The following ANK3 variants were observed in gnomAD, a reference collection of about 807,000 sequenced individuals.
ANK3 encodes the protein ankyrin 3.
Under a neutral mutation model 370.9 loss-of-function variants are expected in ANK3, and 57 were observed. That is an observed-to-expected ratio of 0.15 (90% CI 0.12 to 0.19). The LOEUF (loss-of-function observed/expected upper bound fraction) is 0.19. Among genes scored for constraint, ANK3 ranks in the 10% least tolerant of loss-of-function variants. ANK3 has a pLI of 1.00. For synonymous variants in ANK3, 1,929 were observed against 1,946.3 expected (o/e 0.99, Z 0.23); for missense variants, 4,439 against 5,302.1 (o/e 0.84, Z 5.06).
At chr10:60,575,836 A>G (rs1241028428) in intron 2 of ANK3, among the ~76,000 whole-genome samples, 1 of 152,202 alleles carries the variant, frequency 6.6e-6, no homozygotes, top group Non-Finnish European at 1.5e-5. Flanking sequence ...TAGAAAAGGT[A>G]TTAGTTATTA....
chr10:60,398,540 T>C (rs1048012851), intron 2 of ANK3, among the ~76,000 whole-genome samples: 1 of 152,118 alleles, frequency 6.6e-6, no homozygotes, highest in African/African-American at 2.4e-5. Context: ...CCCATGAAAA[T>C]TTGTCCTCTG....
At chr10:60,229,648 T>A (rs1025548926) in intron 8 of ANK3, among the ~76,000 whole-genome samples, 14 of 152,226 alleles carry the variant, frequency 9.2e-5, no homozygotes, top group African/African-American at 3.4e-4. Flanking sequence ...TACCTGAGCA[T>A]AAATACTTCT....
chr10:60,311,239 T>A (rs964599971), intron 1 of ANK3, among the ~76,000 whole-genome samples: 5 of 152,104 alleles, frequency 3.3e-5, no homozygotes. Flanking sequence ...CACAGATGAA[T>A]GAAGAAGCAA....
rs1352851026 is a variant in ANK3 at position 60,109,060 on chromosome 10, G to A, written c.2949-6C>T. 1 of 1,610,872 alleles carries A rather than the reference G, an allele frequency of 6.2e-7. No homozygotes were observed. ...CCATAAAGCTAACCAGAAACCTGAG[G>A]GGAGAAGATCAGAGGCCAATTCAAG... On this transcript the variant is annotated splice_polypyrimidine_tract_variant and splice_region_variant and intron_variant, in intron 26 of 43. Coordinates refer to ENST00000280772, the MANE Select transcript of ANK3 (RefSeq NM_020987.5).
At position 60,683,984 on chromosome 10, in the gene ANK3, T is replaced by G. The variant is rs576657106; in HGVS notation, c.57+49279A>C. Among the ~76,000 whole-genome samples the G allele has an allele frequency of 2.0e-5, 3 of 152,334 alleles. No homozygotes were observed. In the East Asian group the frequency reaches 5.8e-4, roughly 29 times the overall value. ...TTAAAACTCATGGAAATACCGTCAT[T>G]CTCTAAGAATACTTTTAAGCTATGT... On this transcript the variant is annotated intron_variant, in intron 1 of 43. Coordinates refer to the ANK3 transcript ENST00000373827.
intron 8 of ANK3, among the ~76,000 whole-genome samples, chr10:60,226,490 C>CATATACTATAGTATATATACTATAGTAT (rs1565819646): frequency 1.4e-4 from 9 of 63,412 alleles, no homozygotes; most frequent in African/African-American, 1.2e-3. Context: ...TATATATATA[C>CATATACTATAGTATATATACTATAGTAT]ATATACTATA....
intron 2 of ANK3, among the ~76,000 whole-genome samples, chr10:60,401,116 A>G (rs1161045637): frequency 6.6e-6 from 1 of 152,208 alleles, no homozygotes; most frequent in African/African-American, 2.4e-5. Flanking sequence ...GCTAAGTGAA[A>G]TAAGTCAGTC....
intron 2 of ANK3, among the ~76,000 whole-genome samples, chr10:60,477,510 C>CAT (rs879428652): frequency 0.087 from 11,342 of 130,852 alleles, 484 homozygotes; most frequent in Middle Eastern, 0.11. Context: ...GACAGACAGA[C>CAT]AGACATACAC....
In ANK3 at chr10:60,249,165, T is replaced by C. The variant is rs189406804; in HGVS notation, c.798+12694A>G. ...AAAGATCTATGAGTAGAGAGATATA[T>C]ATAGCAGTTGAATGGAAAGGGGCAT... On this transcript the variant is annotated intron_variant, in intron 7 of 43. Transcript: ENST00000280772. 3.3e-3 allele frequency among the ~76,000 whole-genome samples: 497 copies of C among 152,310 alleles called. 5 individuals carry two copies. Among genetic ancestry groups the C allele is most frequent in the Middle Eastern group, 0.017 (5 of 294 alleles).
chr10:60,285,891 T>C (rs773216280), intron 1 of ANK3, among the ~76,000 whole-genome samples: 1 of 152,222 alleles, frequency 6.6e-6, no homozygotes, highest in Non-Finnish European at 1.5e-5. Flanking sequence ...CACCCAGGCA[T>C]GCAATCTTGG....
intron 2 of ANK3, among the ~76,000 whole-genome samples, chr10:60,521,801 A>C (rs908706363): frequency 6.6e-6 from 1 of 152,170 alleles, no homozygotes. Flanking sequence ...ATCCTACCCC[A>C]AAAAAGCAAT....
intron 1 of ANK3, among the ~76,000 whole-genome samples, chr10:60,389,162 G>A (rs756293361): frequency 6.6e-6 from 1 of 151,990 alleles, no homozygotes; most frequent in Non-Finnish European, 1.5e-5. Flanking sequence ...CCATGTCATG[G>A]AAACATGCCC....
intron 2 of ANK3, among the ~76,000 whole-genome samples, chr10:60,612,125 C>T (rs1567179092): frequency 2.0e-5 from 3 of 151,992 alleles, no homozygotes; most frequent in East Asian, 1.9e-4. Flanking sequence ...CTGCATTTTC[C>T]GCAGAGGCCC....
rs1416910140 is a variant in ANK3 at position 60,069,110 on chromosome 10, A to G, written c.11771T>C (p.Ile3924Thr). Residue 3924 changes from isoleucine (I) to threonine (T), a missense_variant, in exon 37 of 44, where the codon ATT becomes ACT. By Grantham distance (89) the Ile-to-Thr change is moderately conservative. Coordinates refer to ENST00000280772, the MANE Select transcript of ANK3 (RefSeq NM_020987.5). ...PVKNTHRDNI[I>T]AVRKACATQK... ...TGTGGCACATGCTTTTCTAACTGCA[A>G]TTATGTTATCCCTGTGTGTGTTTTT... The G allele has an allele frequency of 3.7e-6, 6 of 1,614,082 alleles. No individual in the cohort carries two copies. Among genetic ancestry groups the G allele is most frequent in the Non-Finnish European group, 5.1e-6 (6 of 1,180,002 alleles).
At chr10:60,589,846 C>T (rs889582783) in intron 2 of ANK3, among the ~76,000 whole-genome samples, 2 of 152,164 alleles carry the variant, frequency 1.3e-5, no homozygotes, top group African/African-American at 4.8e-5. Flanking sequence ...TTCAGTATTG[C>T]TAAATTGCGA....
chr10:60,626,740 G>T (rs1395164105), intron 1 of ANK3, among the ~76,000 whole-genome samples: 1 of 152,176 alleles, frequency 6.6e-6, no homozygotes, highest in African/African-American at 2.4e-5. Flanking sequence ...GGAGACACCT[G>T]CTTTAAAAGA....
rs1007974603 is a variant in ANK3 at position 60,293,001 on chromosome 10, G to C, written c.115-13362C>G. 3.9e-5 allele frequency among the ~76,000 whole-genome samples: 6 copies of C among 152,278 alleles called. No individual in the cohort carries two copies. In the Middle Eastern group the frequency reaches 0.01, roughly 259 times the overall value. On this transcript the variant is annotated intron_variant, in intron 1 of 43. Transcript: ENST00000280772. ...TGGGATTACAGGCATGAGCCACCAAGCCCCGCCCAGGGTCCTAAACTTTCT... is the reference window on the plus strand; with the variant it reads ...TGGGATTACAGGCATGAGCCACCAACCCCCGCCCAGGGTCCTAAACTTTCT...
At position 60,254,242 on chromosome 10, in the gene ANK3, T is replaced by TC. The variant is rs145585537; in HGVS notation, c.798+7616dup. On this transcript the variant is annotated intron_variant, in intron 7 of 43. Transcript: ENST00000280772. ...GTATTCTTTTTTATTGTTTTTTTTT[T>TC]CCCCCCAAATATCTTCCATCCATGG... Among the ~76,000 whole-genome samples the TC allele has an allele frequency of 1.8e-3, 278 of 150,888 alleles. 2 individuals are homozygous for TC. Among genetic ancestry groups the TC allele is most frequent in the Non-Finnish European group, 3.1e-3 (210 of 67,834 alleles).
intron 1 of ANK3, among the ~76,000 whole-genome samples, chr10:60,356,485 C>T (rs181586848): frequency 1.2e-3 from 184 of 152,278 alleles, no homozygotes; most frequent in African/African-American, 4.2e-3. Flanking sequence ...TTGGGGACTC[C>T]TAGCTCATGA....
Sources: allele counts gnomAD v4.1 joint callset (sites outside exome capture counted in the v4.1 genomes callset), GRCh38; gene constraint gnomAD v4.1.1; transcripts MANE v1.5; gene names NCBI Gene and HGNC (gene_info 2026-07-23, HGNC 2026-07-21).